Variants in NAALADL2 observed in about 807,000 individuals in gnomAD.
The protein encoded by NAALADL2 is N-acetylated alpha-linked acidic dipeptidase like 2.
In NAALADL2, 76 loss-of-function variants were observed where a neutral mutation model predicts 87.2. That is an observed-to-expected ratio of 0.87 (90% CI 0.72 to 1.05). NAALADL2 has a LOEUF of 1.05. Among genes scored for constraint, NAALADL2 ranks in the 50% least tolerant of loss-of-function variants. The pLI is 0.00. For synonymous variants in NAALADL2, 354 were observed against 331.0 expected, an observed-to-expected ratio of 1.07 and a Z score of -0.75; for missense variants, 1,089 against 945.8, an observed-to-expected ratio of 1.15 and a Z score of -1.99.
chr3:174,876,688 T>A (rs1728548789), intron 1 of NAALADL2, among the ~76,000 whole-genome samples: 1 of 152,114 alleles, frequency 6.6e-6, no homozygotes, highest in South Asian at 2.1e-4. Context: ...GCTAAATGGA[T>A]TCTTTTGACT....
At chr3:174,851,316 G>A (rs962520078) in intron 3 of NAALADL2, among the ~76,000 whole-genome samples, 1 of 147,596 alleles carries the variant, frequency 6.8e-6, no homozygotes, top group Non-Finnish European at 1.5e-5. Context: ...AGTAAAGAAG[G>A]TTTTTGGGGG....
chr3:174,960,308 A>C (rs1031200046), intron 1 of NAALADL2, among the ~76,000 whole-genome samples: 1 of 152,100 alleles, frequency 6.6e-6, no homozygotes, highest in East Asian at 1.9e-4. Flanking sequence ...TATAGAAAAT[A>C]TCATAGTTGA....
intron 2 of NAALADL2, among the ~76,000 whole-genome samples, chr3:175,134,847 T>TA (rs1560074738): frequency 6.6e-6 from 1 of 152,192 alleles, no homozygotes; most frequent in African/African-American, 2.4e-5. Context: ...ACTGATTTTT[T>TA]AAAATGCCTT....
At chr3:175,792,745 T>G (rs546769779) in intron 13 of NAALADL2, among the ~76,000 whole-genome samples, 3 of 152,314 alleles carry the variant, frequency 2.0e-5, no homozygotes, top group African/African-American at 4.8e-5. Context: ...CAAGAGGAAG[T>G]GCAGATGTTA....
chr3:174,610,998 A>C (rs1028868350), intron 2 of NAALADL2, among the ~76,000 whole-genome samples: 10 of 152,176 alleles, frequency 6.6e-5, no homozygotes, highest in Admixed American at 5.9e-4. Flanking sequence ...AAAAAGGATG[A>C]GTTCATGTCC....
At chr3:175,526,193 A>G (rs1051698239) in intron 9 of NAALADL2, among the ~76,000 whole-genome samples, 2 of 152,206 alleles carry the variant, frequency 1.3e-5, no homozygotes, top group African/African-American at 4.8e-5. Flanking sequence ...GGAAAAAATA[A>G]CATTAGAACA....
chr3:175,013,106 ATT>A (rs1560474943), intron 1 of NAALADL2, among the ~76,000 whole-genome samples: 1 of 17,868 alleles, frequency 5.6e-5, no homozygotes, highest in African/African-American at 4.8e-4. Flanking sequence ...AAATATACAT[ATT>A]TATATATAAA....
At chr3:175,691,660 A>G (rs941138144) in intron 11 of NAALADL2, among the ~76,000 whole-genome samples, 4 of 151,952 alleles carry the variant, frequency 2.6e-5, no homozygotes, top group African/African-American at 7.2e-5. Flanking sequence ...GCTGATACTC[A>G]CCGTTTGACC....
chr3:174,877,357 G>T (rs1004248668), intron 1 of NAALADL2, among the ~76,000 whole-genome samples: 15 of 152,038 alleles, frequency 9.9e-5, no homozygotes, highest in Non-Finnish European at 1.6e-4. Flanking sequence ...TAATTAAAGT[G>T]ATCCTTCCGT....
chr3:174,828,124 C>T (rs1044642665), intron 3 of NAALADL2, among the ~76,000 whole-genome samples: 2 of 151,956 alleles, frequency 1.3e-5, no homozygotes, highest in Middle Eastern at 3.2e-3. Context: ...GGACTGCTCT[C>T]CAGTCTGGTG....
chr3:175,016,276 TA>T (rs1249593204), intron 1 of NAALADL2, among the ~76,000 whole-genome samples: 5 of 147,968 alleles, frequency 3.4e-5, no homozygotes, highest in South Asian at 4.2e-4. Flanking sequence ...TATATATATA[TA>T]AAAAACAATA....
chr3:174,628,050 C>A (rs536715080), intron 2 of NAALADL2, among the ~76,000 whole-genome samples: 1 of 152,196 alleles, frequency 6.6e-6, no homozygotes, highest in Non-Finnish European at 1.5e-5. Flanking sequence ...TGCAATATAT[C>A]CATGTAACAC....
chr3:174,621,079 C>T (rs910887589), intron 2 of NAALADL2, among the ~76,000 whole-genome samples: 1 of 151,778 alleles, frequency 6.6e-6, no homozygotes, highest in South Asian at 2.1e-4. Flanking sequence ...GGGTAGACAT[C>T]TCATAGAAAA....
intron 2 of NAALADL2, among the ~76,000 whole-genome samples, chr3:174,589,388 AAG>A (rs1717110363): frequency 6.6e-6 from 1 of 152,012 alleles, no homozygotes; most frequent in Non-Finnish European, 1.5e-5. Context: ...ACTGTCTGAC[AAG>A]CCCCAGTGAG....
At chr3:175,383,493 G>A (rs1768018732) in intron 5 of NAALADL2, among the ~76,000 whole-genome samples, 1 of 151,902 alleles carries the variant, frequency 6.6e-6, no homozygotes, top group African/African-American at 2.4e-5. Flanking sequence ...ATTAACTACA[G>A]TTACCATGTG....
At chr3:175,446,370 T>A (rs781016096) in intron 5 of NAALADL2, among the ~76,000 whole-genome samples, 37 of 152,102 alleles carry the variant, frequency 2.4e-4, no homozygotes, top group Admixed American at 2.1e-3. Context: ...GCCTCCTGAG[T>A]AGCCAAGATT....
At chr3:175,458,530 T>C (rs1014962986) in intron 6 of NAALADL2, among the ~76,000 whole-genome samples, 1 of 147,752 alleles carries the variant, frequency 6.8e-6, no homozygotes, top group Non-Finnish European at 1.5e-5. Context: ...CTCTTGGTTT[T>C]ATATATAATA....
At chr3:175,067,421 A>C (rs1403631189) in intron 1 of NAALADL2, among the ~76,000 whole-genome samples, 1 of 152,112 alleles carries the variant, frequency 6.6e-6, no homozygotes, top group Non-Finnish European at 1.5e-5. Flanking sequence ...ACAGACATTA[A>C]AAGGTGGGCA....
intron 13 of NAALADL2, among the ~76,000 whole-genome samples, chr3:175,774,363 A>G (rs1218945756): frequency 6.6e-6 from 1 of 152,096 alleles, no homozygotes; most frequent in Non-Finnish European, 1.5e-5. Context: ...GTTAAGAAAT[A>G]CATTGTTATT....
Sources: allele counts gnomAD v4.1 joint callset (sites outside exome capture counted in the v4.1 genomes callset), GRCh38; gene constraint gnomAD v4.1.1; transcripts MANE v1.5; gene names NCBI Gene and HGNC (gene_info 2026-07-23, HGNC 2026-07-21).